TNIK: variants seen among roughly 807,000 people sequenced by gnomAD.
The protein encoded by TNIK is TRAF2 and NCK-interacting protein kinase.
In TNIK, 49 loss-of-function variants were observed where a neutral mutation model predicts 191.3. The ratio of observed to expected loss-of-function variants is 0.26; its 90% CI spans 0.20 to 0.32. TNIK has a LOEUF of 0.32. TNIK is among the 10% of genes least tolerant of loss of function. The probability of loss-of-function intolerance (pLI) is 1.00; values close to 1 mark genes in which losing one functional copy is unlikely to be tolerated. For missense variants in TNIK, 1,155 were observed against 1,702.3 expected (o/e 0.68, Z 5.66); for synonymous variants, 594 against 600.9 (o/e 0.99, Z 0.17).
intron 4 of TNIK, among the ~76,000 whole-genome samples, chr3:171,206,042 A>G (rs1740028439): frequency 2.0e-5 from 3 of 152,152 alleles, no homozygotes. Flanking sequence ...TGCATTCCCA[A>G]TTAGTACTCC....
At chr3:171,288,317 A>AT (rs201753250) in intron 2 of TNIK, among the ~76,000 whole-genome samples, 15 of 150,044 alleles carry the variant, frequency 1.0e-4, no homozygotes, top group African/African-American at 1.7e-4. Flanking sequence ...TTAAAGTATA[A>AT]TTTAAAAAAA....
At chr3:171,397,359 G>T (rs1469970590) in intron 1 of TNIK, among the ~76,000 whole-genome samples, 1 of 152,096 alleles carries the variant, frequency 6.6e-6, no homozygotes, top group Admixed American at 6.6e-5. Context: ...TATGTTGGGG[G>T]GTTAAAAAGT....
chr3:171,358,692 T>A (rs1714523992), intron 2 of TNIK, among the ~76,000 whole-genome samples: 1 of 152,176 alleles, frequency 6.6e-6, no homozygotes, highest in Non-Finnish European at 1.5e-5. Context: ...ATCAAGGGCT[T>A]CAGCTGGTTT....
intron 3 of TNIK, chr3:171,225,582 T>C (rs1341292049): frequency 1.3e-5 from 6 of 456,484 alleles, no homozygotes; most frequent in Non-Finnish European, 2.6e-5. Flanking sequence ...TCAAATCATC[T>C]TCTGTAGAGC....
chr3:171,152,104 A>G (rs1732509591), intron 12 of TNIK, among the ~76,000 whole-genome samples: 1 of 152,010 alleles, frequency 6.6e-6, no homozygotes, highest in Non-Finnish European at 1.5e-5. Context: ...AATATGACAA[A>G]ACCCTATCTC....
intron 26 of TNIK, 57 bp downstream of exon 26, chr3:171,084,095 AGGG>A: frequency 6.9e-7 from 1 of 1,457,198 alleles, no homozygotes; most frequent in South Asian, 1.5e-5. Flanking sequence ...TTAATGTTTG[AGGG>A]TCAGTTCATT....
At position 171,066,294 on chromosome 3, in the gene TNIK, C is replaced by T; in HGVS notation, c.3892G>A (p.Gly1298Ser). 2 of 1,613,890 alleles carry T rather than the reference C, an allele frequency of 1.2e-6. No individual in the cohort carries two copies. The highest frequency in any genetic ancestry group is 1.7e-6 in the Non-Finnish European group (2 of 1,179,866). ...YIHSNQIMGWGEKAIEIRSVE... is the reference protein window; with the variant it reads ...YIHSNQIMGWSEKAIEIRSVE... The stretch of plus-strand genomic sequence containing the variant: ...GACCGGATCTCAATAGCTTTCTCGC[C>T]CCAGCCCATTATCTGATTGGAATGA... The change falls in exon 32 of 33, where the codon GGC becomes AGC. Residue 1298 changes from glycine to serine, a missense_variant. Around this residue, in one of 3 missense-constraint regions of TNIK, gnomAD observed 195 missense variants for 415.4 expected, o/e 0.47. Transcript: ENST00000436636.
intron 15 of TNIK, among the ~76,000 whole-genome samples, chr3:171,129,245 G>A (rs1373704687): frequency 6.6e-6 from 1 of 152,146 alleles, no homozygotes; most frequent in South Asian, 2.1e-4. Flanking sequence ...CAATCAAAGG[G>A]AATGGTAGCA....
intron 1 of TNIK, among the ~76,000 whole-genome samples, chr3:171,389,325 A>C (rs1019472924): frequency 2.0e-5 from 3 of 152,204 alleles, no homozygotes; most frequent in Non-Finnish European, 2.9e-5. Flanking sequence ...TTGATACAAA[A>C]AGCTCATTTC....
At chr3:171,168,265 G>A (rs1734854122) in intron 9 of TNIK, among the ~76,000 whole-genome samples, 1 of 152,192 alleles carries the variant, frequency 6.6e-6, no homozygotes, top group Admixed American at 6.5e-5. Flanking sequence ...CACTCCAGGA[G>A]ACCTTGATGA....
chr3:171,078,566 CCTTT>C (rs1375674548), intron 28 of TNIK, among the ~76,000 whole-genome samples: 3 of 151,892 alleles, frequency 2.0e-5, no homozygotes, highest in Non-Finnish European at 4.4e-5. Context: ...TTGCTTCCTT[CCTTT>C]CTTTCTTTTT....
At chr3:171,437,497 C>T (rs1267425735) in intron 1 of TNIK, among the ~76,000 whole-genome samples, 1 of 152,188 alleles carries the variant, frequency 6.6e-6, no homozygotes, top group African/African-American at 2.4e-5. Context: ...TTACCCTGTG[C>T]CTCCAAGACC....
At chr3:171,224,909 C>T (rs1402777413) in intron 3 of TNIK, among the ~76,000 whole-genome samples, 1 of 152,084 alleles carries the variant, frequency 6.6e-6, no homozygotes, top group Non-Finnish European at 1.5e-5. Flanking sequence ...AGTGTTTCAG[C>T]TCTAAAAATG....
At chr3:171,453,642 C>A (rs776321920) in intron 1 of TNIK, among the ~76,000 whole-genome samples, 3 of 152,006 alleles carry the variant, frequency 2.0e-5, no homozygotes, top group East Asian at 3.9e-4. Flanking sequence ...CTACAGTGTA[C>A]GAGAAACCAG....
At chr3:171,167,919 G>A (rs1421953856) in intron 9 of TNIK, among the ~76,000 whole-genome samples, 1 of 152,106 alleles carries the variant, frequency 6.6e-6, no homozygotes, top group Non-Finnish European at 1.5e-5. Context: ...CAAGGAATAA[G>A]AACATATAAG....
At chr3:171,210,510 G>A (rs1740667831) in intron 4 of TNIK, among the ~76,000 whole-genome samples, 1 of 152,146 alleles carries the variant, frequency 6.6e-6, no homozygotes, top group Non-Finnish European at 1.5e-5. Flanking sequence ...AGTGGACTAG[G>A]GGAAACATGA....
chr3:171,200,171 T>A (rs951538964), intron 4 of TNIK, among the ~76,000 whole-genome samples: 1 of 152,132 alleles, frequency 6.6e-6, no homozygotes, highest in African/African-American at 2.4e-5. Context: ...TTTAAAGGAA[T>A]CTAACATTTG....
At chr3:171,269,156 A>AC (rs1393890280) in intron 2 of TNIK, among the ~76,000 whole-genome samples, 1 of 152,242 alleles carries the variant, frequency 6.6e-6, no homozygotes, top group Non-Finnish European at 1.5e-5. Context: ...ACTTGAAAAA[A>AC]ATCAAACTAT....
chr3:171,422,453 T>A (rs1477997349), intron 1 of TNIK, among the ~76,000 whole-genome samples: 1 of 152,172 alleles, frequency 6.6e-6, no homozygotes, highest in Non-Finnish European at 1.5e-5. Flanking sequence ...AATATTTATA[T>A]GGTCAAGAAA....
Sources: gnomAD v4.1 joint callset for allele counts (sites outside exome capture counted in the v4.1 genomes callset) on GRCh38, gnomAD v4.1.1 for gene constraint, gnomAD v4.1.1 regional missense constraint, MANE v1.5 for transcripts, NCBI Gene and HGNC (gene_info 2026-07-23, HGNC 2026-07-21) for gene names.